Variants in TRAF3 observed in about 807,000 individuals in gnomAD.
The protein encoded by TRAF3 is TNF receptor associated factor 3.
A neutral mutation model predicts 62.3 loss-of-function variants in TRAF3; 13 were observed. That is an observed-to-expected ratio of 0.21 (90% confidence interval 0.14 to 0.33). The LOEUF (loss-of-function observed/expected upper bound fraction) is 0.33, where lower values mean the gene tolerates loss of function less well. TRAF3 is among the 10% of genes least tolerant of loss of function. TRAF3 has a pLI of 1.00. For synonymous variants in TRAF3, 269 were observed against 283.4 expected (o/e 0.95, Z 0.51); for missense variants, 440 against 741.8 (o/e 0.59, Z 4.73).
intron 1 of TRAF3, among the ~76,000 whole-genome samples, chr14:102,798,048 ATT>A (rs1898197847): frequency 6.6e-6 from 1 of 151,992 alleles, no homozygotes; most frequent in South Asian, 2.1e-4. Context: ...AGGCACTCGT[ATT>A]TCTTAGTCGG....
At position 102,906,381 on chromosome 14, in the gene TRAF3, A is replaced by C. The variant is rs1334551617; in HGVS notation, c.*597A>C. ...TTTGAAAGTCTCTAAATTCAGAATC[A>C]TTTTTTAATTTAAAGTTCTACAAAT... On this transcript the variant is annotated 3_prime_UTR_variant, in exon 12 of 12. Coordinates refer to ENST00000392745, the MANE Select transcript of TRAF3 (RefSeq NM_145725.3). 6.6e-6 allele frequency: 1 copy of C among 152,610 alleles called. No individual in the cohort carries two copies. Among genetic ancestry groups the C allele is most frequent in the Non-Finnish European group, 1.5e-5 (1 of 68,056 alleles). 9.5% of individuals were successfully genotyped at this position (152,610 alleles called of 1,614,324 possible). A position where few individuals can be genotyped will look rare whatever the true frequency, so the allele number is the denominator to read the frequency against.
chr14:102,784,136 G>A (rs1897378586), intron 1 of TRAF3, among the ~76,000 whole-genome samples: 2 of 151,148 alleles, frequency 1.3e-5, no homozygotes, highest in South Asian at 2.1e-4. Context: ...TAATGACAAA[G>A]CAAGGGCTCT....
Position 102,905,758 on chromosome 14 carries a change from G to C in TRAF3, c.1681G>C (p.Asp561His). 1 of 1,613,588 alleles carries C rather than the reference G, an allele frequency of 6.2e-7. No homozygotes were observed. The highest frequency in any genetic ancestry group is 1.7e-5 in the Admixed American group (1 of 59,990). The change falls in exon 12 of 12, where the codon GAT becomes CAT. Residue 561 changes from aspartate to histidine, a missense_variant. By Grantham distance (81) the Asp-to-His change is moderately conservative. Around this residue, in one of 6 missense-constraint regions of TRAF3, gnomAD observed 59 missense variants for 120.9 expected, o/e 0.49. Transcript: ENST00000392745. ...TACAATTTTTATTAAAGTCATAGTG[G>C]ATACTTCGGATCTGCCCGATCCCTG... ...DDTIFIKVIV[D>H]TSDLPDP
intron 2 of TRAF3, among the ~76,000 whole-genome samples, chr14:102,860,437 C>G (rs928463884): frequency 6.6e-6 from 1 of 152,070 alleles, no homozygotes; most frequent in African/African-American, 2.4e-5. Flanking sequence ...CTAAGAAGTC[C>G]CAGGCTGTTA....
intron 2 of TRAF3, among the ~76,000 whole-genome samples, chr14:102,843,864 G>A (rs1370739256): frequency 6.6e-6 from 1 of 151,968 alleles, no homozygotes; most frequent in African/African-American, 2.4e-5. Context: ...AACTGATAAG[G>A]AAGAAAAAAC....
At chr14:102,864,152 T>C (rs577230888) in intron 2 of TRAF3, among the ~76,000 whole-genome samples, 52 of 149,858 alleles carry the variant, frequency 3.5e-4, no homozygotes, top group East Asian at 9.7e-4. Context: ...TTTTTCTTTT[T>C]TTTTTTTTTT....
At position 102,870,229 on chromosome 14, in the gene TRAF3, C is replaced by T. The variant is rs1302170239; in HGVS notation, c.28C>T (p.Pro10Ser). The change falls in exon 3 of 12, where the codon CCT becomes TCT. Residue 10 changes from proline to serine, a missense_variant. Physicochemically the swap from Pro to Ser is moderately conservative, Grantham distance 74 (BLOSUM62 -1). This residue lies in a region of TRAF3 where 40 missense variants were observed against 38.3 expected (regional missense o/e 1.05). Transcript: ENST00000392745. Reference protein sequence around the residue: MESSKKMDSPGALQTNPPLK... With the variant: MESSKKMDSSGALQTNPPLK... ...GGAGTCGAGTAAAAAGATGGACTCT[C>T]CTGGCGCGCTGCAGACTAACCCGCC... The T allele has an allele frequency of 2.5e-6, 4 of 1,614,104 alleles. No individual in the cohort carries two copies. The highest frequency in any genetic ancestry group is 1.7e-5 in the Admixed American group (1 of 60,022).
chr14:102,816,936 C>T (rs12882491), intron 1 of TRAF3, among the ~76,000 whole-genome samples: 78,955 of 152,004 alleles, frequency 0.52, 22,962 homozygotes, highest in South Asian at 0.73. Context: ...GGATTTGGAA[C>T]GTATCTTGAA....
At position 102,777,609 on chromosome 14, in the gene TRAF3, C is replaced by T. The variant is rs1051750; in HGVS notation, c.-223C>T. On this transcript the variant is annotated 5_prime_UTR_variant, in exon 1 of 12. It adds an upstream start codon to the 5' untranslated region. Coordinates refer to ENST00000392745, the MANE Select transcript of TRAF3 (RefSeq NM_145725.3). Reference sequence around the variant, plus strand: ...CCATGGGGCAGCCCGGGGAGCAGAACGCTGCGGACCGCGGCGGAGGACGCG... The same window carrying T: ...CCATGGGGCAGCCCGGGGAGCAGAATGCTGCGGACCGCGGCGGAGGACGCG... The T allele has an allele frequency of 0.45, 65,148 of 143,918 alleles. 16,603 individuals are homozygous for T. Among genetic ancestry groups the T allele is most frequent in the Non-Finnish European group, 0.58 (37,477 of 64,738 alleles). The allele number at this position is 143,918 out of a possible 1,614,324, so 8.9% of individuals were successfully genotyped here. A position where few individuals can be genotyped will look rare whatever the true frequency, so the allele number is the denominator to read the frequency against.
chr14:102,785,315 C>T (rs138299496), intron 1 of TRAF3, among the ~76,000 whole-genome samples: 104 of 152,324 alleles, frequency 6.8e-4, no homozygotes, highest in African/African-American at 2.3e-3. Flanking sequence ...ATTCACTCTC[C>T]TTTGACACAT....
At chr14:102,839,695 T>C (rs1434515856) in intron 2 of TRAF3, among the ~76,000 whole-genome samples, 1 of 152,228 alleles carries the variant, frequency 6.6e-6, no homozygotes, top group East Asian at 1.9e-4. Context: ...ACAACATCTT[T>C]GTGTGTTTGT....
At chr14:102,810,817 A>G (rs1335100584) in intron 1 of TRAF3, 1 of 152,312 alleles carries the variant, frequency 6.6e-6, no homozygotes, top group Non-Finnish European at 1.5e-5. Context: ...TGTCAGCATC[A>G]GCCTACCTGG....
At chr14:102,872,765 C>T (rs1000203947) in intron 4 of TRAF3, among the ~76,000 whole-genome samples, 13 of 151,670 alleles carry the variant, frequency 8.6e-5, no homozygotes, top group African/African-American at 2.9e-4. Context: ...GATCTTGGCT[C>T]GCTGCAGCCT....
intron 8 of TRAF3, 102 bp from the exon 9 acceptor site, chr14:102,891,223 C>G: frequency 9.2e-7 from 1 of 1,086,628 alleles, no homozygotes; most frequent in South Asian, 1.3e-5. Context: ...AATAGGTCTC[C>G]CCTCTTTGTG....
At chr14:102,805,137 A>C (rs1279986182) in intron 1 of TRAF3, among the ~76,000 whole-genome samples, 2 of 152,146 alleles carry the variant, frequency 1.3e-5, no homozygotes, top group African/African-American at 2.4e-5. Context: ...GGTTTAGATA[A>C]TTTAGATAAT....
intron 8 of TRAF3, among the ~76,000 whole-genome samples, chr14:102,890,628 T>C (rs954009251): frequency 6.6e-6 from 1 of 152,234 alleles, no homozygotes; most frequent in Non-Finnish European, 1.5e-5. Flanking sequence ...TTTCTGTGGC[T>C]TCTTAATTTT....
intron 1 of TRAF3, among the ~76,000 whole-genome samples, chr14:102,784,019 A>T (rs539594931): frequency 8.7e-4 from 132 of 152,312 alleles, no homozygotes; most frequent in African/African-American, 3.1e-3. Context: ...TAAATATCAG[A>T]TCTTGTTAGT....
At chr14:102,843,131 A>T (rs1233925189) in intron 2 of TRAF3, among the ~76,000 whole-genome samples, 1 of 150,948 alleles carries the variant, frequency 6.6e-6, no homozygotes, top group Non-Finnish European at 1.5e-5. Flanking sequence ...TGAACCCGGG[A>T]GGCAGAGGTT....
At chr14:102,861,751 T>C (rs1029697212) in intron 2 of TRAF3, among the ~76,000 whole-genome samples, 5 of 152,218 alleles carry the variant, frequency 3.3e-5, no homozygotes, top group Admixed American at 1.3e-4. Context: ...AATAAAAAAG[T>C]GGCTACTCAA....
Sources: allele counts gnomAD v4.1 joint callset (sites outside exome capture counted in the v4.1 genomes callset), GRCh38; gene constraint gnomAD v4.1.1; regional missense constraint gnomAD v4.1.1; transcripts MANE v1.5; gene names NCBI Gene and HGNC (gene_info 2026-07-23, HGNC 2026-07-21).